Variants in GARRE1 observed in about 807,000 individuals in gnomAD.
The protein encoded by GARRE1 is granule associated Rac and RHOG effector protein 1.
In GARRE1, 49 loss-of-function variants were observed where a neutral mutation model predicts 103.2. The ratio of observed to expected loss-of-function variants is 0.47; its 90% CI spans 0.38 to 0.60. The LOEUF (loss-of-function observed/expected upper bound fraction) is 0.60. GARRE1 is among the 20% of genes least tolerant of loss of function. GARRE1 has a pLI of 0.00. For missense variants in GARRE1, 1,199 were observed against 1,370.5 expected (o/e 0.87, Z 1.98); for synonymous variants, 505 against 532.8 (o/e 0.95, Z 0.72).
intron 2 of GARRE1, among the ~76,000 whole-genome samples, chr19:34,304,149 T>C (rs992211798): frequency 6.6e-6 from 1 of 151,362 alleles, no homozygotes; most frequent in African/African-American, 2.4e-5. Flanking sequence ...CTGGAGTGCA[T>C]TGGCGATCTC....
intron 1 of GARRE1, among the ~76,000 whole-genome samples, chr19:34,287,538 G>T (rs1411380896): frequency 1.3e-5 from 2 of 152,214 alleles, no homozygotes; most frequent in East Asian, 3.8e-4. Flanking sequence ...CTCAGTGAGT[G>T]TTATGACAAC....
intron 2 of GARRE1, among the ~76,000 whole-genome samples, chr19:34,314,538 T>C (rs2074051504): frequency 6.6e-6 from 1 of 152,218 alleles, no homozygotes; most frequent in Non-Finnish European, 1.5e-5. Context: ...CCATGAAATA[T>C]GAGCTCAGAA....
chr19:34,330,160 G>T, intron 6 of GARRE1, 29 bp from the exon 7 acceptor site: 2 of 1,602,900 alleles, frequency 1.2e-6, no homozygotes, highest in Non-Finnish European at 8.5e-7. Context: ...TTGTCTTGAG[G>T]TGTGAACTCT....
At chr19:34,321,314 G>T (rs1329459116) in intron 3 of GARRE1, among the ~76,000 whole-genome samples, 1 of 142,828 alleles carries the variant, frequency 7.0e-6, no homozygotes, top group African/African-American at 2.6e-5. Context: ...TTGACCTCGT[G>T]ATCTGCCTGC....
intron 1 of GARRE1, among the ~76,000 whole-genome samples, chr19:34,274,287 C>A (rs2073804377): frequency 6.6e-6 from 1 of 152,028 alleles, no homozygotes; most frequent in Middle Eastern, 3.2e-3. Context: ...TGCCTGTAAT[C>A]CCAGCTACTC....
intron 1 of GARRE1, among the ~76,000 whole-genome samples, chr19:34,271,385 A>G (rs939542796): frequency 6.6e-6 from 1 of 151,112 alleles, no homozygotes; most frequent in South Asian, 2.1e-4. Flanking sequence ...AGTAGCTGGG[A>G]CTACAGGTGT....
At chr19:34,309,787 C>T (rs2074028476) in intron 2 of GARRE1, among the ~76,000 whole-genome samples, 1 of 152,186 alleles carries the variant, frequency 6.6e-6, no homozygotes, top group Admixed American at 6.5e-5. Context: ...CAATAAATAA[C>T]TCCATTTCAT....
intron 2 of GARRE1, among the ~76,000 whole-genome samples, chr19:34,307,072 T>C (rs2074010417): frequency 1.3e-5 from 2 of 151,876 alleles, no homozygotes; most frequent in Admixed American, 6.6e-5. Context: ...GCCTGGAGTG[T>C]TGGAAGAGCA....
chr19:34,255,512 A>T (rs938459296), intron 1 of GARRE1, among the ~76,000 whole-genome samples: 2 of 152,224 alleles, frequency 1.3e-5, no homozygotes, highest in South Asian at 2.1e-4. Flanking sequence ...CCATTCAGTG[A>T]CAACCACTGC....
chr19:34,295,901 A>G (rs538849460), intron 1 of GARRE1, among the ~76,000 whole-genome samples: 21 of 152,240 alleles, frequency 1.4e-4, no homozygotes, highest in African/African-American at 4.3e-4. Context: ...TTGTCCCATC[A>G]CCATTTATTG....
chr19:34,293,931 G>A (rs977950435), intron 1 of GARRE1, among the ~76,000 whole-genome samples: 3 of 150,666 alleles, frequency 2.0e-5, no homozygotes, highest in Admixed American at 2.0e-4. Flanking sequence ...GCTTATTTTT[G>A]TATTTTTTAG....
At chr19:34,343,646 A>G (rs2074197209) in intron 10 of GARRE1, among the ~76,000 whole-genome samples, 1 of 152,172 alleles carries the variant, frequency 6.6e-6, no homozygotes, top group Non-Finnish European at 1.5e-5. Context: ...CAGGAGTTCA[A>G]GACCAGTTTG....
chr19:34,270,979 A>G (rs1242828348), intron 1 of GARRE1, among the ~76,000 whole-genome samples: 3 of 152,186 alleles, frequency 2.0e-5, no homozygotes, highest in Non-Finnish European at 4.4e-5. Flanking sequence ...AAACATCTCT[A>G]GACATTGCCA....
At chr19:34,352,173 G>A (rs1452622617) in intron 13 of GARRE1, among the ~76,000 whole-genome samples, 6 of 152,134 alleles carry the variant, frequency 3.9e-5, no homozygotes, top group African/African-American at 1.4e-4. Context: ...GCCAAGGCGG[G>A]TGGATCACGA....
chr19:34,267,876 C>G (rs2073762141), intron 1 of GARRE1, among the ~76,000 whole-genome samples: 1 of 151,592 alleles, frequency 6.6e-6, no homozygotes. Flanking sequence ...CAGGTTCAAG[C>G]AATTCTCCTG....
At chr19:34,331,340 C>T (rs2074137113) in intron 7 of GARRE1, among the ~76,000 whole-genome samples, 1 of 152,108 alleles carries the variant, frequency 6.6e-6, no homozygotes, top group Non-Finnish European at 1.5e-5. Context: ...GCTCTTGATA[C>T]CCCTTTTATC....
intron 2 of GARRE1, among the ~76,000 whole-genome samples, chr19:34,306,225 GC>G (rs1328142525): frequency 6.6e-6 from 1 of 152,212 alleles, no homozygotes; most frequent in Non-Finnish European, 1.5e-5. Context: ...GAGGTCTGTG[GC>G]CTAACATTGC....
chr19:34,261,540 A>G (rs2073718844), intron 1 of GARRE1, among the ~76,000 whole-genome samples: 1 of 152,176 alleles, frequency 6.6e-6, no homozygotes, highest in Non-Finnish European at 1.5e-5. Flanking sequence ...CATCCAGGGA[A>G]TCCAGCCTGC....
intron 8 of GARRE1, among the ~76,000 whole-genome samples, chr19:34,334,768 A>G (rs113554424): frequency 0.016 from 2,447 of 150,988 alleles, 55 homozygotes; most frequent in African/African-American, 0.056. Context: ...AAGAAACCAT[A>G]TGGGGCCAGG....
Sources: gnomAD v4.1 joint callset for allele counts (sites outside exome capture counted in the v4.1 genomes callset) on GRCh38, gnomAD v4.1.1 for gene constraint, MANE v1.5 for transcripts, NCBI Gene and HGNC (gene_info 2026-07-23, HGNC 2026-07-21) for gene names.